Variants in MEF2A observed in about 807,000 individuals in gnomAD.
The protein encoded by MEF2A is myocyte-specific enhancer factor 2A.
In MEF2A, 28 loss-of-function variants were observed where a neutral mutation model predicts 55.8. The observed-to-expected ratio is 0.50, with a 90% CI of 0.37 to 0.69. The LOEUF (loss-of-function observed/expected upper bound fraction) is 0.69, where lower values mean the gene tolerates loss of function less well. Among genes scored for constraint, MEF2A ranks in the 30% least tolerant of loss-of-function variants. MEF2A has a pLI of 0.00. For synonymous variants in MEF2A, 239 were observed against 227.1 expected (o/e 1.05, Z -0.47); for missense variants, 528 against 626.2 (o/e 0.84, Z 1.67).
chr15:99,699,820 C>T (rs1386752677), intron 8 of MEF2A, among the ~76,000 whole-genome samples: 1 of 151,720 alleles, frequency 6.6e-6, no homozygotes, highest in Non-Finnish European at 1.5e-5. Flanking sequence ...AACAAATGGA[C>T]ATTGTAGATA....
intron 5 of MEF2A, among the ~76,000 whole-genome samples, chr15:99,673,640 T>TGAAAATA (rs1389012699): frequency 6.6e-6 from 1 of 152,024 alleles, no homozygotes; most frequent in East Asian, 1.9e-4. Context: ...AAATGCAAGA[T>TGAAAATA]GAAAATAGAA....
At chr15:99,700,341 G>A (rs897753844) in intron 8 of MEF2A, among the ~76,000 whole-genome samples, 10 of 150,458 alleles carry the variant, frequency 6.6e-5, no homozygotes, top group South Asian at 6.4e-4. Context: ...GCGAAACCCC[G>A]TCTCTACTAA....
At position 99,671,376 on chromosome 15, in the gene MEF2A, C is replaced by T. The variant is rs2050831510; in HGVS notation, c.312C>T (p.Tyr104=). The T allele has an allele frequency of 6.2e-7, 1 of 1,613,788 alleles. No individual in the cohort carries two copies. The highest frequency in any genetic ancestry group is 8.5e-7 in the Non-Finnish European group (1 of 1,179,780). The change falls in exon 5 of 12, where the codon TAC becomes TAT. Residue 104 remains tyrosine, a synonymous_variant. Coordinates refer to ENST00000557942, the MANE Select transcript of MEF2A (RefSeq NM_001319206.4). The part of the protein sequence containing the change: ...NGCESPDADD[Y]FEHSPLSEDR... ...GTGAGAGCCCTGATGCTGACGATTA[C>T]TTTGAGCACAGTCCACTCTCGGAGG...
At chr15:99,659,293 T>G (rs1390703856) in intron 4 of MEF2A, among the ~76,000 whole-genome samples, 1 of 152,134 alleles carries the variant, frequency 6.6e-6, no homozygotes, top group East Asian at 1.9e-4. Context: ...GTAGGGAATC[T>G]TACTACCATT....
chr15:99,664,349 A>C (rs1440239961), intron 4 of MEF2A, among the ~76,000 whole-genome samples: 1 of 152,228 alleles, frequency 6.6e-6, no homozygotes, highest in Non-Finnish European at 1.5e-5. Context: ...GGCTTCCTGA[A>C]GGCCGGACAC....
At chr15:99,605,431 A>G (rs964761650) in intron 2 of MEF2A, among the ~76,000 whole-genome samples, 4 of 152,134 alleles carry the variant, frequency 2.6e-5, no homozygotes, top group African/African-American at 9.7e-5. Context: ...TTTCCTGCAT[A>G]ATTATTCTGC....
chr15:99,691,018 C>A (rs919575895), intron 8 of MEF2A, among the ~76,000 whole-genome samples: 1 of 151,868 alleles, frequency 6.6e-6, no homozygotes, highest in Non-Finnish European at 1.5e-5. Context: ...CCCCAAACAC[C>A]CTGACCTGGA....
chr15:99,576,634 T>C (rs898184946), intron 1 of MEF2A, among the ~76,000 whole-genome samples: 18 of 151,646 alleles, frequency 1.2e-4, no homozygotes, highest in Non-Finnish European at 1.5e-5. Flanking sequence ...AACATAAACT[T>C]TAGTTTTTTT....
chr15:99,581,122 T>C (rs948605036), intron 1 of MEF2A, among the ~76,000 whole-genome samples: 1 of 152,144 alleles, frequency 6.6e-6, no homozygotes, highest in Non-Finnish European at 1.5e-5. Flanking sequence ...AAAATATTTA[T>C]TACTTGTGAA....
chr15:99,577,697 A>G lies in MEF2A; in HGVS notation c.-225+11593A>G, dbSNP rs961478339. 4.6e-5 allele frequency among the ~76,000 whole-genome samples: 7 copies of G among 152,158 alleles called. No homozygotes were observed. The East Asian group carries it at 1.3e-3, about 29-fold the overall frequency. ...ATGGTGTTTATCTGTTCTAAGTTCT[A>G]AGTTTCAATCCATAATCCCACATTG... On this transcript the variant is annotated intron_variant, in intron 1 of 11. Transcript: ENST00000557942.
At chr15:99,666,883 TA>T (rs1325487814) in intron 4 of MEF2A, among the ~76,000 whole-genome samples, 1 of 152,186 alleles carries the variant, frequency 6.6e-6, no homozygotes, top group African/African-American at 2.4e-5. Context: ...TTTGCTGTTT[TA>T]GACAGTTAAC....
Position 99,688,178 on chromosome 15 carries a change from A to G in MEF2A, c.671-2063A>G, listed in dbSNP as rs560642828. 6.6e-5 allele frequency among the ~76,000 whole-genome samples: 10 copies of G among 152,372 alleles called. No individual in the cohort carries two copies. The South Asian group carries it at 2.1e-3, about 32-fold the overall frequency. ...AAATGCACATTATATGTTTCTGTAC[A>G]CTGGTTACTTATCTACTTTTTACTT... is the stretch of plus-strand genomic sequence containing the variant. On this transcript the variant is annotated intron_variant, in intron 7 of 11. Coordinates refer to ENST00000557942, the MANE Select transcript of MEF2A (RefSeq NM_001319206.4).
At chr15:99,640,851 G>C (rs1053321038) in intron 3 of MEF2A, among the ~76,000 whole-genome samples, 1 of 151,962 alleles carries the variant, frequency 6.6e-6, no homozygotes, top group African/African-American at 2.4e-5. Flanking sequence ...CCCAGCCAGT[G>C]TTTTCTTGGA....
intron 4 of MEF2A, among the ~76,000 whole-genome samples, chr15:99,663,143 C>A (rs1231463065): frequency 6.6e-6 from 1 of 151,830 alleles, no homozygotes; most frequent in Non-Finnish European, 1.5e-5. Flanking sequence ...AGCAGATACT[C>A]CAGCAGTATA....
chr15:99,596,990 C>G (rs1971404629), intron 1 of MEF2A, among the ~76,000 whole-genome samples: 1 of 152,130 alleles, frequency 6.6e-6, no homozygotes, highest in South Asian at 2.1e-4. Context: ...ATCCTGTCAG[C>G]TGAGGAGGAT....
At chr15:99,699,676 A>G (rs550212107) in intron 8 of MEF2A, among the ~76,000 whole-genome samples, 80 of 152,334 alleles carry the variant, frequency 5.3e-4, no homozygotes, top group African/African-American at 1.8e-3. Context: ...TAACTTTGGA[A>G]ACTTTTGACT....
intron 7 of MEF2A, among the ~76,000 whole-genome samples, chr15:99,676,380 C>T (rs574889365): frequency 1.1e-4 from 16 of 150,896 alleles, no homozygotes; most frequent in Non-Finnish European, 2.2e-4. Flanking sequence ...TGCCTACATA[C>T]TGTTTTTGTG....
chr15:99,663,340 G>T (rs942734980), intron 4 of MEF2A, among the ~76,000 whole-genome samples: 1 of 151,986 alleles, frequency 6.6e-6, no homozygotes, highest in African/African-American at 2.4e-5. Context: ...ATGCATTTGT[G>T]CACGTATATA....
intron 8 of MEF2A, among the ~76,000 whole-genome samples, chr15:99,702,714 T>A (rs1057077467): frequency 1.3e-5 from 2 of 152,192 alleles, no homozygotes; most frequent in African/African-American, 4.8e-5. Flanking sequence ...TGAATTCATT[T>A]CTCCTTCAGT....
Sources: gnomAD v4.1 joint callset for allele counts (sites outside exome capture counted in the v4.1 genomes callset) on GRCh38, gnomAD v4.1.1 for gene constraint, MANE v1.5 for transcripts, NCBI Gene and HGNC (gene_info 2026-07-23, HGNC 2026-07-21) for gene names.